The following VSNL1 variants were observed in gnomAD, a reference collection of about 807,000 sequenced individuals.
VSNL1 encodes visinin-like protein 1.
VSNL1 carries 6 observed loss-of-function variants against 20.4 expected under a neutral mutation model. The ratio of observed to expected loss-of-function variants is 0.29; its 90% CI spans 0.16 to 0.58. The LOEUF (loss-of-function observed/expected upper bound fraction) is 0.58, where lower values mean the gene tolerates loss of function less well. VSNL1 is among the 20% of genes least tolerant of loss of function. The pLI is 0.90. For synonymous variants in VSNL1, 93 were observed against 86.4 expected (o/e 1.08, Z -0.42); for missense variants, 100 against 234.5 (o/e 0.43, Z 3.75).
chr2:17,575,170 C>T (rs1664177808), intron 1 of VSNL1, among the ~76,000 whole-genome samples: 1 of 152,080 alleles, frequency 6.6e-6, no homozygotes, highest in Admixed American at 6.5e-5. Flanking sequence ...TGAACCTCTT[C>T]CTTCTGGATT....
chr2:17,600,488 G>T (rs1664799749), intron 2 of VSNL1, among the ~76,000 whole-genome samples: 1 of 152,160 alleles, frequency 6.6e-6, no homozygotes, highest in South Asian at 2.1e-4. Context: ...TTTATCAAAA[G>T]AAAATGTGAC....
intron 2 of VSNL1, among the ~76,000 whole-genome samples, chr2:17,630,442 T>C (rs1019097791): frequency 1.3e-5 from 2 of 152,262 alleles, no homozygotes; most frequent in Non-Finnish European, 2.9e-5. Context: ...TGTTCTTGAA[T>C]AGGAAGACTC....
intron 1 of VSNL1, among the ~76,000 whole-genome samples, chr2:17,551,463 G>A (rs2103339194): frequency 6.6e-6 from 1 of 152,312 alleles, no homozygotes; most frequent in African/African-American, 2.4e-5. Flanking sequence ...CTTGGAATGG[G>A]GAAGGGAGGC....
At chr2:17,580,349 A>T (rs951197654) in intron 1 of VSNL1, among the ~76,000 whole-genome samples, 6 of 152,150 alleles carry the variant, frequency 3.9e-5, no homozygotes, top group African/African-American at 1.4e-4. Flanking sequence ...TTTCCAGGAA[A>T]TAAGGAAATG....
At chr2:17,609,241 A>G (rs1665024538) in intron 2 of VSNL1, among the ~76,000 whole-genome samples, 2 of 152,246 alleles carry the variant, frequency 1.3e-5, no homozygotes, top group African/African-American at 2.4e-5. Flanking sequence ...ACAGTGTCAC[A>G]TAAGCTGGTA....
chr2:17,551,112 C>T (rs946909713), intron 1 of VSNL1, among the ~76,000 whole-genome samples: 2 of 152,172 alleles, frequency 1.3e-5, no homozygotes, highest in African/African-American at 2.4e-5. Flanking sequence ...AGTCCTCACA[C>T]ACCCCAGGAT....
At chr2:17,565,133 C>G (rs1663907477) in intron 1 of VSNL1, among the ~76,000 whole-genome samples, 1 of 152,094 alleles carries the variant, frequency 6.6e-6, no homozygotes, top group Non-Finnish European at 1.5e-5. Context: ...AAAAGATTAT[C>G]TAAAATCATA....
chr2:17,556,563 A>C (rs1663683029), intron 1 of VSNL1, among the ~76,000 whole-genome samples: 1 of 152,178 alleles, frequency 6.6e-6, no homozygotes, highest in Non-Finnish European at 1.5e-5. Flanking sequence ...ATTAGATAGG[A>C]TTGTGCATGT....
chr2:17,547,332 C>T (rs1462773344), intron 1 of VSNL1, among the ~76,000 whole-genome samples: 1 of 152,050 alleles, frequency 6.6e-6, no homozygotes, highest in East Asian at 1.9e-4. Flanking sequence ...TAATAGTTAT[C>T]CTTATCATTA....
At chr2:17,606,594 A>G (rs1042216253) in intron 2 of VSNL1, among the ~76,000 whole-genome samples, 2 of 152,178 alleles carry the variant, frequency 1.3e-5, no homozygotes, top group African/African-American at 4.8e-5. Context: ...ACCATGAGGA[A>G]TTACAACTTC....
intron 2 of VSNL1, among the ~76,000 whole-genome samples, chr2:17,605,520 C>T (rs564065717): frequency 5.4e-4 from 83 of 152,318 alleles, no homozygotes; most frequent in South Asian, 4.6e-3. Flanking sequence ...TGAGCCCCTC[C>T]GCAGCAGCTG....
At chr2:17,584,938 C>G (rs1474402275) in intron 1 of VSNL1, among the ~76,000 whole-genome samples, 1 of 152,136 alleles carries the variant, frequency 6.6e-6, no homozygotes, top group East Asian at 1.9e-4. Flanking sequence ...ATCCCTGGGG[C>G]CCACTTCTGC....
At chr2:17,549,058 C>G (rs1663464549) in intron 1 of VSNL1, among the ~76,000 whole-genome samples, 1 of 152,108 alleles carries the variant, frequency 6.6e-6, no homozygotes, top group South Asian at 2.1e-4. Flanking sequence ...CTCTTTTTTC[C>G]ATTACCTTTT....
intron 1 of VSNL1, among the ~76,000 whole-genome samples, chr2:17,566,723 A>G (rs1310918793): frequency 6.6e-6 from 1 of 152,126 alleles, no homozygotes; most frequent in East Asian, 1.9e-4. Flanking sequence ...AGATAGTTGG[A>G]TTTATCAACC....
intron 1 of VSNL1, 69 bp from the exon 2 acceptor site, chr2:17,592,001 C>A: frequency 6.3e-7 from 1 of 1,585,374 alleles, no homozygotes; most frequent in Non-Finnish European, 8.6e-7. Context: ...AGAACTCTAG[C>A]TTGGCTCCTA....
In VSNL1 at chr2:17,655,455, TCACACACACACACACACACACACACACA is replaced by T. The variant is rs3064980; in HGVS notation, c.*80_*107del. 2 of 536,124 alleles carry T rather than the reference TCACACACACACACACACACACACACACA, an allele frequency of 3.7e-6. No individual in the cohort carries two copies. Among genetic ancestry groups the T allele is most frequent in the Admixed American group, 2.8e-5 (1 of 35,692 alleles). 33.2% of individuals were successfully genotyped at this position (536,124 alleles called of 1,614,324 possible). A position where few individuals can be genotyped will look rare whatever the true frequency, so the allele number is the denominator to read the frequency against. On this transcript the variant is annotated 3_prime_UTR_variant, in exon 4 of 4. Transcript: ENST00000295156. The surrounding 1 kb of genome is among the most constrained non-coding windows in gnomAD (Gnocchi z 5.2). ...AATGTTCCATTCAGTCTGCAGCTATTCACACACACACACACACACACACACACACACACACACACACACACAAATATTG... is the reference window on the plus strand; with the variant it reads ...AATGTTCCATTCAGTCTGCAGCTATTCACACACACACACACACAAATATTG...
intron 2 of VSNL1, among the ~76,000 whole-genome samples, chr2:17,619,993 C>T (rs925414676): frequency 9.2e-5 from 14 of 152,150 alleles, no homozygotes; most frequent in African/African-American, 3.4e-4. Flanking sequence ...GGGCACTTGC[C>T]CTAGCTTGGA....
At chr2:17,641,044 T>G (rs1457693403) in intron 2 of VSNL1, among the ~76,000 whole-genome samples, 1 of 152,222 alleles carries the variant, frequency 6.6e-6, no homozygotes, top group Non-Finnish European at 1.5e-5. Flanking sequence ...TCCCCACGAT[T>G]CCAGACCTGG....
At chr2:17,575,824 T>C (rs150663860) in intron 1 of VSNL1, among the ~76,000 whole-genome samples, 5,018 of 152,160 alleles carry the variant, frequency 0.033, 88 homozygotes, top group East Asian at 0.097. Flanking sequence ...CATGAGCCAC[T>C]GCGCCCGGCC....
Sources: allele counts gnomAD v4.1 joint callset (sites outside exome capture counted in the v4.1 genomes callset), GRCh38; gene constraint gnomAD v4.1.1; non-coding constraint Gnocchi (gnomAD v3.1); transcripts MANE v1.5; gene names NCBI Gene and HGNC (gene_info 2026-07-23, HGNC 2026-07-21).